Variants in SEC11C observed in about 807,000 individuals in gnomAD.
The protein encoded by SEC11C is SEC11 homolog C, signal peptidase complex subunit.
In SEC11C, 10 loss-of-function variants were observed where a neutral mutation model predicts 21.9. The ratio of observed to expected loss-of-function variants is 0.46; its 90% CI spans 0.28 to 0.77. SEC11C has a LOEUF of 0.77. SEC11C is among the 30% of genes least tolerant of loss of function. SEC11C has a pLI of 0.12. For synonymous variants in SEC11C, 83 were observed against 85.6 expected (o/e 0.97, Z 0.17); for missense variants, 145 against 244.5 (o/e 0.59, Z 2.71).
chr18:59,141,366 G>A (rs1478367916), intron 1 of SEC11C, among the ~76,000 whole-genome samples: 2 of 152,228 alleles, frequency 1.3e-5, no homozygotes, highest in African/African-American at 4.8e-5. Flanking sequence ...CTGTTCACAA[G>A]AATATCCTCC....
chr18:59,152,525 C>CT lies in SEC11C; in HGVS notation c.198-9dup. On this transcript the variant is annotated splice_polypyrimidine_tract_variant and intron_variant, in intron 2 of 5. Transcript: ENST00000587834. ...GGGTAATGCTGATACTGACTTTGTGCTTCTTTCCAGTGGCAGTATGGAGCC... is the reference window on the plus strand; with the variant it reads ...GGGTAATGCTGATACTGACTTTGTGCTTTCTTTCCAGTGGCAGTATGGAGCC... The CT allele has an allele frequency of 1.3e-6, 2 of 1,592,188 alleles. No individual in the cohort carries two copies. The highest frequency in any genetic ancestry group is 2.3e-5 in the South Asian group (2 of 86,574).
chr18:59,156,370 TTTGA>T (rs2069418245), intron 4 of SEC11C: 2 of 152,218 alleles, frequency 1.3e-5, no homozygotes, highest in Admixed American at 6.5e-5. Flanking sequence ...TTACTTAGAA[TTTGA>T]TTATTTTTCA....
chr18:59,152,636 G>A lies in SEC11C; in HGVS notation c.298G>A (p.Glu100Lys). 1.2e-6 allele frequency: 2 copies of A among 1,613,560 alleles called. No homozygotes were observed. Among genetic ancestry groups the A allele is most frequent in the Non-Finnish European group, 1.7e-6 (2 of 1,179,878 alleles). ...RAGEIVVFKV[E>K]GRDIPIVHRV... is the part of the protein sequence containing the mutation. ...TGGTGAAATAGTTGTTTTTAAAGTTGAAGGACGAGACATTCCAATAGTTCA... is the reference window on the plus strand; with the variant it reads ...TGGTGAAATAGTTGTTTTTAAAGTTAAAGGACGAGACATTCCAATAGTTCA... The change falls in exon 3 of 6, where the codon GAA becomes AAA. Residue 100 changes from glutamate (E) to lysine (K), a missense_variant. Coordinates refer to ENST00000587834, the MANE Select transcript of SEC11C (RefSeq NM_033280.4).
intron 3 of SEC11C, 66 bp from the exon 4 acceptor site, chr18:59,155,622 C>G (rs2069409680): frequency 1.3e-6 from 2 of 1,544,266 alleles, no homozygotes; most frequent in African/African-American, 2.8e-5. Flanking sequence ...CTTGAGTAAA[C>G]TAATATTTTT....
At position 59,157,569 on chromosome 18, in the gene SEC11C, G is replaced by A. The variant is rs567444496; in HGVS notation, c.468-39G>A. ...AGATGTTGCCATCATCATGTTATAA[G>A]CAGCTTTTATATCTCTTGCTTTTTA... is the stretch of plus-strand genomic sequence containing the variant. On this transcript the variant is annotated intron_variant, in intron 4 of 5. Transcript: ENST00000587834. The A allele has an allele frequency of 2.9e-5, 40 of 1,377,650 alleles. No individual in the cohort carries two copies. The East Asian group carries it at 8.7e-4, about 30-fold the overall frequency. The allele number at this position is 1,377,650 out of a possible 1,614,324, so 85.3% of individuals were successfully genotyped here.
chr18:59,155,594 CCTGT>C (rs2069409436), intron 3 of SEC11C, 90 bp from the exon 4 acceptor site: 2 of 1,345,114 alleles, frequency 1.5e-6, no homozygotes, highest in Non-Finnish European at 2.0e-6. Context: ...TCTAAATGCT[CCTGT>C]CTGACAGTAA....
At chr18:59,155,185 C>T (rs535892233) in intron 3 of SEC11C, among the ~76,000 whole-genome samples, 1 of 152,252 alleles carries the variant, frequency 6.6e-6, no homozygotes, top group Non-Finnish European at 1.5e-5. Context: ...CTGACCTATT[C>T]TGACTTGAGG....
intron 2 of SEC11C, among the ~76,000 whole-genome samples, chr18:59,150,511 A>C (rs970842039): frequency 2.6e-5 from 4 of 152,236 alleles, no homozygotes; most frequent in African/African-American, 9.6e-5. Context: ...TAGAAGCCTG[A>C]GGACAGCCTA....
At chr18:59,145,561 CT>C (rs1300761519) in intron 1 of SEC11C, among the ~76,000 whole-genome samples, 3 of 152,154 alleles carry the variant, frequency 2.0e-5, no homozygotes, top group Admixed American at 2.0e-4. Context: ...GTGAGGCGAG[CT>C]TCACAGGCTG....
rs184501990 is a variant in SEC11C, at chr18:59,153,008, A to G, written c.347+323A>G. On this transcript the variant is annotated intron_variant, in intron 3 of 5. Transcript: ENST00000587834. ...AGGAGCTCAAAGAAAATCAAGTCAC[A>G]TTGCAACAGAGGATGGTTTTGATAT... 1.9e-3 allele frequency: 336 copies of G among 173,754 alleles called. 3 individuals carry two copies. Among genetic ancestry groups the G allele is most frequent in the African/African-American group, 7.5e-3 (320 of 42,450 alleles). The allele number at this position is 173,754 out of a possible 1,614,324, so 10.8% of individuals were successfully genotyped here. A position where few individuals can be genotyped will look rare whatever the true frequency, so the allele number is the denominator to read the frequency against.
chr18:59,153,717 ATTT>A (rs975351586), intron 3 of SEC11C, among the ~76,000 whole-genome samples: 1 of 139,544 alleles, frequency 7.2e-6, no homozygotes. Flanking sequence ...TGCCTGGCTA[ATTT>A]TTTTTTTTTT....
chr18:59,142,424 C>T (rs2069222493), intron 1 of SEC11C, among the ~76,000 whole-genome samples: 1 of 152,218 alleles, frequency 6.6e-6, no homozygotes, highest in Non-Finnish European at 1.5e-5. Flanking sequence ...AAACGGCAAT[C>T]GTTGTTTAAA....
At chr18:59,141,442 G>A (rs570598095) in intron 1 of SEC11C, among the ~76,000 whole-genome samples, 1 of 152,270 alleles carries the variant, frequency 6.6e-6, no homozygotes, top group East Asian at 1.9e-4. Context: ...CTCTAAAATT[G>A]GTACTGATTA....
In SEC11C at chr18:59,139,891, C is replaced by A; in HGVS notation, c.-58C>A. Reference sequence around the variant, plus strand: ...CGGTGGGCGGGGGCCGGCAGGTGCTCCGCAGCCGTCTGTGCCACCCAGAGC... The same window carrying A: ...CGGTGGGCGGGGGCCGGCAGGTGCTACGCAGCCGTCTGTGCCACCCAGAGC... On this transcript the variant is annotated 5_prime_UTR_variant, in exon 1 of 6. Coordinates refer to ENST00000587834, the MANE Select transcript of SEC11C (RefSeq NM_033280.4). The A allele has an allele frequency of 7.5e-7, 1 of 1,325,428 alleles. No individual in the cohort carries two copies. The highest frequency in any genetic ancestry group is 1.6e-5 in the South Asian group (1 of 61,430). 82.1% of individuals were successfully genotyped at this position (1,325,428 alleles called of 1,614,324 possible).
intron 5 of SEC11C, among the ~76,000 whole-genome samples, chr18:59,158,079 G>A (rs111734852): frequency 1.3e-4 from 20 of 151,658 alleles, no homozygotes; most frequent in African/African-American, 4.6e-4. Flanking sequence ...TTTTTTGGAC[G>A]GAATCTGGCT....
intron 1 of SEC11C, among the ~76,000 whole-genome samples, chr18:59,141,428 G>A (rs552204054): frequency 6.6e-6 from 1 of 152,350 alleles, no homozygotes; most frequent in East Asian, 1.9e-4. Context: ...GGTTTTTAAA[G>A]TGTCTCTAAA....
At chr18:59,150,511 A>G (rs970842039) in intron 2 of SEC11C, among the ~76,000 whole-genome samples, 1 of 152,236 alleles carries the variant, frequency 6.6e-6, no homozygotes, top group African/African-American at 2.4e-5. Flanking sequence ...TAGAAGCCTG[A>G]GGACAGCCTA....
chr18:59,158,541 C>T (rs958978115), intron 5 of SEC11C, 91 bp from the exon 6 acceptor site: 12 of 952,416 alleles, frequency 1.3e-5, no homozygotes, highest in African/African-American at 8.1e-5. Flanking sequence ...CTGTCCTCAG[C>T]GCAGTATTTA....
chr18:59,146,238 TA>T (rs2069274742), intron 1 of SEC11C, among the ~76,000 whole-genome samples: 1 of 151,988 alleles, frequency 6.6e-6, no homozygotes, highest in South Asian at 2.1e-4. Flanking sequence ...AATGAATGGG[TA>T]GGGGGTGGCT....
Sources: gnomAD v4.1 joint callset for allele counts (sites outside exome capture counted in the v4.1 genomes callset) on GRCh38, gnomAD v4.1.1 for gene constraint, MANE v1.5 for transcripts, NCBI Gene and HGNC (gene_info 2026-07-23, HGNC 2026-07-21) for gene names.